NGLY1: variants seen among roughly 807,000 people sequenced by gnomAD.
The protein encoded by NGLY1 is peptide-N(4)-(N-acetyl-beta-glucosaminyl)asparagine amidase.
In NGLY1, 68 loss-of-function variants were observed where a neutral mutation model predicts 84.6. That is an observed-to-expected ratio of 0.80 (90% CI 0.66 to 0.98). NGLY1 has a LOEUF of 0.98. Ranked by LOEUF, NGLY1 falls within the 50% of genes least tolerant of loss-of-function variation. The pLI, the probability that NGLY1 is intolerant of heterozygous loss-of-function variation, is 0.00. For synonymous variants in NGLY1, 280 were observed against 275.2 expected (o/e 1.02, Z -0.17); for missense variants, 779 against 770.2 (o/e 1.01, Z -0.14).
At chr3:25,735,959 A>T in intron 7 of NGLY1, 45 bp downstream of exon 7, 2 of 1,485,578 alleles carry the variant, frequency 1.3e-6, no homozygotes, top group Non-Finnish European at 1.8e-6. Context: ...AAAGAAAAAA[A>T]TATATTTTAC....
At position 25,721,840 on chromosome 3, in the gene NGLY1, A is replaced by G. The variant is rs544718430; in HGVS notation, c.1612-1649T>C. On this transcript the variant is annotated intron_variant, in intron 10 of 11. Transcript: ENST00000280700. Reference sequence around the variant, plus strand: ...TGCCAATGCTCCTTTTTATTTTTTTATACTATACTCCTTTATACTGCCCAT... The same window carrying G: ...TGCCAATGCTCCTTTTTATTTTTTTGTACTATACTCCTTTATACTGCCCAT... Among the ~76,000 whole-genome samples, 6 of 147,828 alleles carry G rather than the reference A, an allele frequency of 4.1e-5. No individual in the cohort carries two copies. The South Asian group carries it at 1.3e-3, about 32-fold the overall frequency.
chr3:25,737,814 G>A (rs1705918683), intron 5 of NGLY1, among the ~76,000 whole-genome samples: 1 of 152,278 alleles, frequency 6.6e-6, no homozygotes, highest in East Asian at 1.9e-4. Flanking sequence ...AAAGTGCTGA[G>A]ATTACAGGTG....
intron 10 of NGLY1, 71 bp from the exon 11 acceptor site, chr3:25,720,262 G>A (rs1385660099): frequency 1.6e-6 from 2 of 1,245,958 alleles, no homozygotes; most frequent in Non-Finnish European, 2.3e-6. Flanking sequence ...CAAACTTAGT[G>A]AAGAATATTA....
In NGLY1 at chr3:25,756,229, T is replaced by C. The variant is rs1292200320; in HGVS notation, c.493-4966A>G. On this transcript the variant is annotated intron_variant, in intron 3 of 11. Transcript: ENST00000280700. ...CTCCCTTTCTAAATCCCATTCATTT[T>C]CTGCACCTACCCCATAGGTTTGTTT... Among the ~76,000 whole-genome samples, 5 of 152,332 alleles carry C rather than the reference T, an allele frequency of 3.3e-5. No individual in the cohort carries two copies. The East Asian group carries it at 7.7e-4, about 23-fold the overall frequency.
At chr3:25,726,004 T>C (rs1705237535) in intron 10 of NGLY1, among the ~76,000 whole-genome samples, 1 of 152,208 alleles carries the variant, frequency 6.6e-6, no homozygotes, top group Non-Finnish European at 1.5e-5. Flanking sequence ...CCAAGCACAA[T>C]ATTTGACAAT....
chr3:25,760,216 G>A (rs976123969), intron 3 of NGLY1, among the ~76,000 whole-genome samples: 5 of 151,946 alleles, frequency 3.3e-5, no homozygotes, highest in Admixed American at 1.3e-4. Context: ...GTACATTATG[G>A]TTAAGATGTT....
At chr3:25,775,758 A>G (rs1192264675) in intron 2 of NGLY1, among the ~76,000 whole-genome samples, 1 of 152,220 alleles carries the variant, frequency 6.6e-6, no homozygotes, top group Non-Finnish European at 1.5e-5. Context: ...GTTAAATAGG[A>G]GGAATAATTT....
At chr3:25,754,025 A>C (rs1706898094) in intron 3 of NGLY1, among the ~76,000 whole-genome samples, 2 of 152,210 alleles carry the variant, frequency 1.3e-5, no homozygotes, top group African/African-American at 4.8e-5. Context: ...CAGTAACTCA[A>C]AAATATTTGT....
intron 3 of NGLY1, among the ~76,000 whole-genome samples, chr3:25,758,842 G>T (rs1047719116): frequency 6.6e-6 from 1 of 152,150 alleles, no homozygotes; most frequent in Non-Finnish European, 1.5e-5. Flanking sequence ...GAGAAAGACA[G>T]GGCATGGAGG....
intron 2 of NGLY1, among the ~76,000 whole-genome samples, chr3:25,769,815 T>C (rs1707808487): frequency 6.6e-6 from 1 of 152,148 alleles, no homozygotes; most frequent in African/African-American, 2.4e-5. Context: ...TTTATTTCAA[T>C]AGGTTTTTGG....
chr3:25,728,425 T>G (rs372680671), intron 10 of NGLY1, among the ~76,000 whole-genome samples: 6 of 152,140 alleles, frequency 3.9e-5, no homozygotes, highest in Non-Finnish European at 1.5e-5. Flanking sequence ...TTAATTCCTA[T>G]GAAAATCTAT....
intron 2 of NGLY1, chr3:25,778,337 T>C: frequency 3.0e-6 from 1 of 329,380 alleles, no homozygotes. Flanking sequence ...ATGACCCTTA[T>C]TTTAAAGAAC....
chr3:25,741,718 CG>C (rs1706158678), intron 4 of NGLY1, among the ~76,000 whole-genome samples: 1 of 151,996 alleles, frequency 6.6e-6, no homozygotes, highest in South Asian at 2.1e-4. Context: ...TGGACGGGCA[CG>C]GTGGCTCACG....
Position 25,737,380 on chromosome 3 carries a change from G to A in NGLY1, c.957C>T (p.Cys319=), listed in dbSNP as rs1236035298. ...CGEWANCFTL[C]CRAVGFEARY... Reference sequence around the variant, plus strand: ...GAGCTTCAAACCCTACAGCTCGGCAGCACAGTGTAAAACAATTGGCCCACT... The same window carrying A: ...GAGCTTCAAACCCTACAGCTCGGCAACACAGTGTAAAACAATTGGCCCACT... Residue 319 remains cysteine, a synonymous_variant, in exon 6 of 12, where the codon TGC becomes TGT. Transcript: ENST00000280700. 1.2e-6 allele frequency: 2 copies of A among 1,613,858 alleles called. No homozygotes were observed. The highest frequency in any genetic ancestry group is 1.7e-5 in the Admixed American group (1 of 60,000).
intron 4 of NGLY1, among the ~76,000 whole-genome samples, chr3:25,743,353 T>C (rs1706250530): frequency 6.6e-6 from 1 of 152,226 alleles, no homozygotes; most frequent in Non-Finnish European, 1.5e-5. Flanking sequence ...TCCTCCTGTC[T>C]TGTTCACTGG....
At chr3:25,745,767 G>A (rs1457552660) in intron 4 of NGLY1, among the ~76,000 whole-genome samples, 1 of 151,910 alleles carries the variant, frequency 6.6e-6, no homozygotes, top group African/African-American at 2.4e-5. Flanking sequence ...CATTTCACAA[G>A]TTATTACTAG....
intron 4 of NGLY1, among the ~76,000 whole-genome samples, chr3:25,750,363 C>T (rs560990318): frequency 6.6e-6 from 1 of 152,208 alleles, no homozygotes; most frequent in African/African-American, 2.4e-5. Flanking sequence ...TGGATGAACC[C>T]TGAGGTTCAT....
chr3:25,765,948 C>T lies in NGLY1; in HGVS notation c.247-1637G>A, dbSNP rs528247121. ...GTCTCACTCTTTTGCCCAGGCTGGTCTCAAACTCCTAACCTCAAATGATCC... is the reference window on the plus strand; with the variant it reads ...GTCTCACTCTTTTGCCCAGGCTGGTTTCAAACTCCTAACCTCAAATGATCC... On this transcript the variant is annotated intron_variant, in intron 2 of 11. Coordinates refer to ENST00000280700, the MANE Select transcript of NGLY1 (RefSeq NM_018297.4). 3.3e-5 allele frequency among the ~76,000 whole-genome samples: 5 copies of T among 152,004 alleles called. No individual in the cohort carries two copies. The South Asian group carries it at 1.0e-3, about 32-fold the overall frequency.
At chr3:25,733,753 A>G in intron 8 of NGLY1, 119 bp downstream of exon 8, 1 of 484,564 alleles carries the variant, frequency 2.1e-6, no homozygotes, top group East Asian at 3.4e-5. Flanking sequence ...GAATATTAAA[A>G]TATTCTTGTT....
Sources: gnomAD v4.1 joint callset for allele counts (sites outside exome capture counted in the v4.1 genomes callset) on GRCh38, gnomAD v4.1.1 for gene constraint, MANE v1.5 for transcripts, NCBI Gene and HGNC (gene_info 2026-07-23, HGNC 2026-07-21) for gene names.